The following ARHGEF11 variants were observed in gnomAD, a reference collection of about 807,000 sequenced individuals.
ARHGEF11 encodes the protein Rho guanine nucleotide exchange factor 11.
A neutral mutation model predicts 193.7 loss-of-function variants in ARHGEF11; 55 were observed. That is an observed-to-expected ratio of 0.28 (90% CI 0.23 to 0.36). ARHGEF11 has a LOEUF of 0.36. ARHGEF11 is among the 10% of genes least tolerant of loss of function. ARHGEF11 has a pLI of 1.00. For missense variants in ARHGEF11, 1,723 were observed against 2,005.6 expected (o/e 0.86, Z 2.69); for synonymous variants, 693 against 768.0 (o/e 0.90, Z 1.62).
At chr1:156,957,695 G>A (rs1445669506) in intron 18 of ARHGEF11, 97 bp downstream of exon 18, 3 of 1,312,770 alleles carry the variant, frequency 2.3e-6, no homozygotes, top group African/African-American at 1.4e-5. Context: ...TACAACATGA[G>A]GGACTCCCCT....
chr1:156,947,806 T>G lies in ARHGEF11; in HGVS notation c.2304A>C (p.Leu768=). The G allele has an allele frequency of 6.2e-7, 1 of 1,613,840 alleles. No homozygotes were observed. The highest frequency in any genetic ancestry group is 8.5e-7 in the Non-Finnish European group (1 of 1,180,040). The change falls in exon 25 of 41, where the codon CTA becomes CTC. Residue 768 remains leucine, a synonymous_variant. Transcript: ENST00000368194. ...HTVGKDVVAG[L]TQREIDRQEV... is the part of the protein sequence containing the mutation. ...CTTGCCGGTCAATCTCCCGCTGGGT[T>G]AGCCCAGCCACCACATCCTTGCCCA...
At chr1:157,042,469 G>A (rs1380953865) in intron 1 of ARHGEF11, among the ~76,000 whole-genome samples, 2 of 152,174 alleles carry the variant, frequency 1.3e-5, no homozygotes, top group Admixed American at 1.3e-4. Context: ...GAGTCTTTGA[G>A]TCCAGATTCT....
In ARHGEF11 at chr1:156,955,736, A is replaced by G; in HGVS notation, c.1735T>C (p.Tyr579His). The change falls in exon 20 of 41, where the codon TAC becomes CAC. Residue 579 changes from tyrosine (Y) to histidine (H), a missense_variant. By Grantham distance (83) the Tyr-to-His change is moderately conservative (BLOSUM62 2). Transcript: ENST00000368194. ...GAAGAGCTTTTGGGCTTCCCAATGTATTTGAGGATAGGGTTTCGCTTCTTG... is the reference window on the plus strand; with the variant it reads ...GAAGAGCTTTTGGGCTTCCCAATGTGTTTGAGGATAGGGTTTCGCTTCTTG... Reference protein sequence around the residue: ...EDKKRNPILKYIGKPKSSSQS... With the variant: ...EDKKRNPILKHIGKPKSSSQS... 1 of 1,614,184 alleles carries G rather than the reference A, an allele frequency of 6.2e-7. No homozygotes were observed. Among genetic ancestry groups the G allele is most frequent in the Non-Finnish European group, 8.5e-7 (1 of 1,180,016 alleles).
rs921098938 is a variant in ARHGEF11, at chr1:156,936,009, T to C, written c.4680A>G (p.Pro1560=). The change falls in exon 41 of 41, where the codon CCA becomes CCG. Residue 1560 remains proline, a synonymous_variant. Coordinates refer to ENST00000368194, the MANE Select transcript of ARHGEF11 (RefSeq NM_198236.3). ...TTGGTGGTTTGTACGGTTATGGTCC[T>C]GGTGACGCGGCTGCGTCTGCTGTGC... ...EDSTADAAAS[P]GP 4 of 1,613,482 alleles carry C rather than the reference T, an allele frequency of 2.5e-6. No individual in the cohort carries two copies. Among genetic ancestry groups the C allele is most frequent in the Non-Finnish European group, 3.4e-6 (4 of 1,179,718 alleles).
At chr1:157,026,550 C>T (rs1449341745) in intron 1 of ARHGEF11, among the ~76,000 whole-genome samples, 1 of 152,138 alleles carries the variant, frequency 6.6e-6, no homozygotes, top group Admixed American at 6.5e-5. Flanking sequence ...AAGTTCAGTA[C>T]CCTCAACAAA....
chr1:156,951,815 G>C (rs1659152836), intron 21 of ARHGEF11, 116 bp from the exon 22 acceptor site: 1 of 1,336,174 alleles, frequency 7.5e-7, no homozygotes, highest in Non-Finnish European at 1.0e-6. Context: ...GATGAGAACA[G>C]CACTGGACCA....
chr1:156,999,305 T>C (rs552929912), intron 1 of ARHGEF11, among the ~76,000 whole-genome samples: 45 of 152,248 alleles, frequency 3.0e-4, no homozygotes, highest in African/African-American at 8.2e-4. Context: ...AGCTATTAAA[T>C]AGTAGAGCCA....
chr1:157,037,855 A>C (rs1672235247), intron 1 of ARHGEF11, among the ~76,000 whole-genome samples: 1 of 151,024 alleles, frequency 6.6e-6, no homozygotes, highest in Non-Finnish European at 1.5e-5. Context: ...ACATGGTGAA[A>C]CCCCCGTCTC....
intron 3 of ARHGEF11, 112 bp downstream of exon 3, chr1:156,984,227 C>G: frequency 1.2e-6 from 1 of 866,732 alleles, no homozygotes; most frequent in Non-Finnish European, 1.8e-6. Context: ...AGAACCAGTT[C>G]TAGAGTAATT....
At chr1:156,936,485 A>AAAAAAAAT (rs1557806597) in intron 40 of ARHGEF11, among the ~76,000 whole-genome samples, 6 of 75,402 alleles carry the variant, frequency 8.0e-5, no homozygotes, top group African/African-American at 3.1e-4. Context: ...AAATAGAAAA[A>AAAAAAAAT]AAAAAAAAAA....
At chr1:156,973,130 T>C (rs1275625092) in intron 7 of ARHGEF11, among the ~76,000 whole-genome samples, 1 of 152,230 alleles carries the variant, frequency 6.6e-6, no homozygotes, top group Admixed American at 6.5e-5. Context: ...AGGGGCTTGC[T>C]ATGTTGCCCA....
chr1:157,015,154 T>C (rs1374802515), intron 1 of ARHGEF11, among the ~76,000 whole-genome samples: 1 of 152,208 alleles, frequency 6.6e-6, no homozygotes, highest in Admixed American at 6.5e-5. Flanking sequence ...TCCTGGACAA[T>C]TTGATACAAA....
In ARHGEF11 at chr1:156,946,937, C is replaced by G; in HGVS notation, c.2567G>C (p.Arg856Pro). The change falls in exon 27 of 41, where the codon CGG (arginine) becomes CCG (proline). Residue 856 changes from arginine to proline, a missense_variant and splice_region_variant. Coordinates refer to ENST00000368194, the MANE Select transcript of ARHGEF11 (RefSeq NM_198236.3). ...AGAGGGAGAAGTTTGGAGCCATACC[C>G]GGGCCAGCATGAGGTCACTGATCTC... is the stretch of plus-strand genomic sequence containing the variant. ...IKEISDLMLA[R>P]FDGPAREELQ... is the part of the protein sequence containing the mutation. The G allele has an allele frequency of 6.2e-7, 1 of 1,614,010 alleles. No homozygotes were observed. Among genetic ancestry groups the G allele is most frequent in the Non-Finnish European group, 8.5e-7 (1 of 1,180,036 alleles).
chr1:157,006,945 A>G (rs759150343), intron 1 of ARHGEF11, among the ~76,000 whole-genome samples: 3 of 152,336 alleles, frequency 2.0e-5, no homozygotes, highest in Non-Finnish European at 2.9e-5. Flanking sequence ...TAAGGTTGGT[A>G]GCCCTTTCTA....
At chr1:157,021,611 T>C (rs1261896921) in intron 1 of ARHGEF11, among the ~76,000 whole-genome samples, 6 of 152,142 alleles carry the variant, frequency 3.9e-5, no homozygotes, top group Admixed American at 3.9e-4. Context: ...GGGTTATAGA[T>C]GCTAAACGAG....
chr1:156,997,883 G>A (rs1212384205), intron 1 of ARHGEF11, among the ~76,000 whole-genome samples: 1 of 151,518 alleles, frequency 6.6e-6, no homozygotes, highest in Non-Finnish European at 1.5e-5. Context: ...ACTAGAAAAT[G>A]TTAAATTACA....
chr1:157,023,139 C>A (rs1670199017), intron 1 of ARHGEF11, among the ~76,000 whole-genome samples: 1 of 152,098 alleles, frequency 6.6e-6, no homozygotes, highest in African/African-American at 2.4e-5. Context: ...AGAAATTAGA[C>A]ATAATTAAAA....
chr1:156,963,164 C>A, intron 13 of ARHGEF11, 39 bp downstream of exon 13: 1 of 1,523,544 alleles, frequency 6.6e-7, no homozygotes, highest in East Asian at 2.3e-5. Context: ...CTGCCCAGTA[C>A]CAGCAGGCAC....
At chr1:157,037,161 A>G (rs1311188221) in intron 1 of ARHGEF11, among the ~76,000 whole-genome samples, 3 of 152,126 alleles carry the variant, frequency 2.0e-5, no homozygotes, top group Non-Finnish European at 4.4e-5. Context: ...AATTTGATTC[A>G]GTCTTAAAAT....
Sources: allele counts gnomAD v4.1 joint callset (sites outside exome capture counted in the v4.1 genomes callset), GRCh38; gene constraint gnomAD v4.1.1; transcripts MANE v1.5; gene names NCBI Gene and HGNC (gene_info 2026-07-23, HGNC 2026-07-21).